Variants in PCDH15 observed in about 807,000 individuals in gnomAD.
The protein encoded by PCDH15 is protocadherin related 15, also known as protocadherin-15.
A neutral mutation model predicts 178.5 loss-of-function variants in PCDH15; 129 were observed. The observed-to-expected ratio is 0.72, with a 90% CI of 0.63 to 0.84. The LOEUF (loss-of-function observed/expected upper bound fraction) is 0.84, where lower values mean the gene tolerates loss of function less well. Among genes scored for constraint, PCDH15 ranks in the 40% least tolerant of loss-of-function variants. PCDH15 has a pLI of 0.00. For missense variants in PCDH15, 2,230 were observed against 2,099.9 expected, an observed-to-expected ratio of 1.06 and a Z score of -1.21; for synonymous variants, 800 against 732.0, an observed-to-expected ratio of 1.09 and a Z score of -1.50.
At chr10:55,192,077 G>A (rs1410021776) in intron 1 of PCDH15, among the ~76,000 whole-genome samples, 3 of 151,662 alleles carry the variant, frequency 2.0e-5, no homozygotes, top group Admixed American at 1.3e-4. Flanking sequence ...AATTTCCATA[G>A]CCTATGGATA....
At chr10:54,483,750 CA>C (rs1390880486) in intron 3 of PCDH15, among the ~76,000 whole-genome samples, 1 of 151,642 alleles carries the variant, frequency 6.6e-6, no homozygotes, top group African/African-American at 2.4e-5. Flanking sequence ...CTTTTAGTTC[CA>C]AAAATGTAGA....
intron 26 of PCDH15, among the ~76,000 whole-genome samples, chr10:53,878,344 T>A (rs1213224718): frequency 8.5e-6 from 1 of 118,280 alleles, no homozygotes; most frequent in Non-Finnish European, 1.8e-5. Context: ...AGTCTATATA[T>A]AATAGACTAT....
intron 2 of PCDH15, among the ~76,000 whole-genome samples, chr10:55,540,669 G>T: frequency 6.6e-6 from 1 of 151,962 alleles, no homozygotes; most frequent in Admixed American, 6.6e-5. Context: ...TTAAAGGACA[G>T]GCTTTCCTCG....
intron 2 of PCDH15, among the ~76,000 whole-genome samples, chr10:55,067,906 T>C (rs569063444): frequency 2.6e-5 from 4 of 152,226 alleles, no homozygotes; most frequent in African/African-American, 7.2e-5. Flanking sequence ...GAAATGTTTA[T>C]TCGTGTCCTT....
chr10:54,768,946 G>C (rs1302804091), intron 1 of PCDH15, among the ~76,000 whole-genome samples: 2 of 152,216 alleles, frequency 1.3e-5, no homozygotes, highest in Non-Finnish European at 2.9e-5. Context: ...TGGGAAAGAA[G>C]TGTAAAACTT....
chr10:55,080,125 G>A lies in PCDH15; in HGVS notation c.-80+86451C>T, dbSNP rs73251949. On this transcript the variant is annotated intron_variant, in intron 2 of 5. Transcript: ENST00000458638. The stretch of plus-strand genomic sequence containing the variant: ...AGTGCACACTTTGTCTCCAGCAGGA[G>A]CCATGGCCACAGCGGTGTGCACAGG... Among the ~76,000 whole-genome samples the A allele has an allele frequency of 1.4e-3, 213 of 152,198 alleles. 1 individual carries two copies. Among genetic ancestry groups the A allele is most frequent in the African/African-American group, 4.8e-3 (201 of 41,520 alleles).
chr10:55,347,378 A>G lies in PCDH15; in HGVS notation c.-155-180727T>C, dbSNP rs116151354. Reference sequence around the variant, plus strand: ...TTGGTTTTTACTTCAAACAGAAATAATTAACCTAAGCTAATATAGTTATTA... The same window carrying G: ...TTGGTTTTTACTTCAAACAGAAATAGTTAACCTAAGCTAATATAGTTATTA... On this transcript the variant is annotated intron_variant, in intron 2 of 5. Coordinates refer to the PCDH15 transcript ENST00000613346. Among the ~76,000 whole-genome samples the G allele has an allele frequency of 5.6e-3, 851 of 152,266 alleles. 10 individuals carry two copies. The highest frequency in any genetic ancestry group is 0.02 in the African/African-American group (812 of 41,558).
At chr10:54,977,170 G>A (rs552244193) in intron 2 of PCDH15, among the ~76,000 whole-genome samples, 17 of 152,170 alleles carry the variant, frequency 1.1e-4, no homozygotes, top group Admixed American at 2.6e-4. Context: ...TCACACCAGC[G>A]GGATTCCATC....
At chr10:54,448,004 C>A (rs905537007) in intron 3 of PCDH15, among the ~76,000 whole-genome samples, 28 of 151,450 alleles carry the variant, frequency 1.8e-4, no homozygotes, top group African/African-American at 6.8e-4. Flanking sequence ...TAACTGAAAA[C>A]AAAATCTTTC....
In PCDH15 at chr10:53,875,592, G is replaced by A. The variant is rs563717632; in HGVS notation, c.3502-8735C>T. On this transcript the variant is annotated intron_variant, in intron 26 of 37. Transcript: ENST00000644397. Reference sequence around the variant, plus strand: ...GAAGATTTGATTCACTGACTTTTATGAGTTTCCCTTAGTGAACAAAATAAA... The same window carrying A: ...GAAGATTTGATTCACTGACTTTTATAAGTTTCCCTTAGTGAACAAAATAAA... Among the ~76,000 whole-genome samples, 12 of 151,856 alleles carry A rather than the reference G, an allele frequency of 7.9e-5. No homozygotes were observed. In the East Asian group the frequency reaches 2.1e-3, roughly 27 times the overall value.
intron 23 of PCDH15, among the ~76,000 whole-genome samples, chr10:53,950,077 T>G (rs907459081): frequency 6.6e-6 from 1 of 152,062 alleles, no homozygotes; most frequent in Non-Finnish European, 1.5e-5. Flanking sequence ...ATTTTTTATT[T>G]TAACAGAGAA....
intron 2 of PCDH15, among the ~76,000 whole-genome samples, chr10:55,126,589 C>T (rs1299084406): frequency 1.3e-5 from 2 of 151,810 alleles, no homozygotes; most frequent in African/African-American, 4.8e-5. Flanking sequence ...CTCTGAATTA[C>T]AAGACCTTGC....
At chr10:54,424,693 G>A (rs1450286974) in intron 3 of PCDH15, among the ~76,000 whole-genome samples, 1 of 152,008 alleles carries the variant, frequency 6.6e-6, no homozygotes, top group East Asian at 1.9e-4. Context: ...AAAATGATGA[G>A]TTCATGTCCT....
At chr10:53,852,327 T>C (rs1473982532) in intron 28 of PCDH15, among the ~76,000 whole-genome samples, 1 of 152,126 alleles carries the variant, frequency 6.6e-6, no homozygotes, top group Non-Finnish European at 1.5e-5. Context: ...AGAGGTGAAT[T>C]CTAAGATCAA....
intron 23 of PCDH15, among the ~76,000 whole-genome samples, chr10:53,949,146 G>T (rs76745993): frequency 1.3e-5 from 2 of 152,278 alleles, no homozygotes; most frequent in South Asian, 2.1e-4. Context: ...ATGTGAAAGA[G>T]AAATTAAATT....
intron 2 of PCDH15, among the ~76,000 whole-genome samples, chr10:55,544,821 C>A (rs41331445): frequency 0.017 from 2,583 of 152,048 alleles, 75 homozygotes; most frequent in African/African-American, 0.058. Context: ...CACCAGATTG[C>A]CTAGAACAGA....
At chr10:53,910,234 C>A (rs2082983339) in intron 25 of PCDH15, among the ~76,000 whole-genome samples, 1 of 152,162 alleles carries the variant, frequency 6.6e-6, no homozygotes, top group Non-Finnish European at 1.5e-5. Flanking sequence ...TGTAGCCTAA[C>A]TGGGAGGCAC....
intron 2 of PCDH15, among the ~76,000 whole-genome samples, chr10:54,978,449 A>G (rs889880782): frequency 2.0e-5 from 3 of 152,186 alleles, no homozygotes; most frequent in African/African-American, 7.2e-5. Flanking sequence ...GTATAAGTGT[A>G]TAACAGATTA....
intron 1 of PCDH15, among the ~76,000 whole-genome samples, chr10:55,211,360 A>ATAATGCTT (rs1221476447): frequency 1.3e-5 from 2 of 152,178 alleles, no homozygotes; most frequent in African/African-American, 4.8e-5. Context: ...GTGTTAAAAC[A>ATAATGCTT]TAATGCTTTT....
Sources: gnomAD v4.1 joint callset for allele counts (sites outside exome capture counted in the v4.1 genomes callset) on GRCh38, gnomAD v4.1.1 for gene constraint, MANE v1.5 for transcripts, NCBI Gene and HGNC (gene_info 2026-07-23, HGNC 2026-07-21) for gene names.